QTGAL: variants seen among roughly 807,000 people sequenced by gnomAD.
QTGAL encodes BGnT-like protein 1.
At chr17:82,967,135 C>G in the QTGAL span, among the ~76,000 whole-genome samples, 5 of 152,176 alleles carry the variant, frequency 3.3e-5, no homozygotes, top group African/African-American at 1.2e-4. Flanking sequence ...AACTTTGCAT[C>G]TGCAAAGACC....
chr17:83,008,346 C>T, the QTGAL span, among the ~76,000 whole-genome samples: 381 of 152,326 alleles, frequency 2.5e-3, 3 homozygotes, highest in African/African-American at 9.0e-3. Context: ...AAGCGCAGGC[C>T]GCTGGAGTTG....
chr17:83,019,755 T>C, the QTGAL span, among the ~76,000 whole-genome samples: 98,624 of 152,044 alleles, frequency 0.65, 32,203 homozygotes, highest in South Asian at 0.7. Flanking sequence ...TTTTTTGAGT[T>C]GGAGTTTTGC....
At chr17:83,035,805 G>A in the QTGAL span, among the ~76,000 whole-genome samples, 1 of 152,184 alleles carries the variant, frequency 6.6e-6, no homozygotes, top group Non-Finnish European at 1.5e-5. Context: ...GAGGGAAGTT[G>A]GGGGCTGGCA....
At chr17:82,965,587 C>A in the QTGAL span, 9 of 1,440,412 alleles carry the variant, frequency 6.2e-6, no homozygotes, top group South Asian at 1.1e-4. Flanking sequence ...GTGTGCAGAG[C>A]CCACACACAG....
the QTGAL span, among the ~76,000 whole-genome samples, chr17:82,996,675 A>G: frequency 6.6e-6 from 1 of 152,228 alleles, no homozygotes; most frequent in African/African-American, 2.4e-5. Flanking sequence ...TCAAAACAGC[A>G]TGGTACTTGC....
At chr17:83,010,831 G>T in the QTGAL span, among the ~76,000 whole-genome samples, 1 of 152,152 alleles carries the variant, frequency 6.6e-6, no homozygotes, top group African/African-American at 2.4e-5. Flanking sequence ...CCATTCCCCC[G>T]ACAGGCAAGC....
chr17:82,962,381 G>C, the QTGAL span, among the ~76,000 whole-genome samples: 2 of 152,238 alleles, frequency 1.3e-5, no homozygotes, highest in Non-Finnish European at 2.9e-5. Context: ...TGTCAGCCCT[G>C]CTAAAAGTTT....
chr17:82,950,593 C>G, the QTGAL span, among the ~76,000 whole-genome samples: 1 of 152,194 alleles, frequency 6.6e-6, no homozygotes. Context: ...CATTACTTTG[C>G]TCAGATCCAT....
At chr17:82,945,564 C>T in the QTGAL span, 1 of 152,182 alleles carries the variant, frequency 6.6e-6, no homozygotes, top group East Asian at 1.9e-4. Context: ...CACAGCATAA[C>T]ATTAAAGAAG....
At chr17:83,022,024 C>T in the QTGAL span, among the ~76,000 whole-genome samples, 1 of 152,140 alleles carries the variant, frequency 6.6e-6, no homozygotes, top group East Asian at 1.9e-4. Flanking sequence ...CCCCCATATA[C>T]ACCATCTTCA....
chr17:83,006,102 G>A, the QTGAL span: 1 of 992,140 alleles, frequency 1.0e-6, no homozygotes, highest in South Asian at 4.6e-5. This position sits in a 1 kb window ranked among gnomAD's most constrained non-coding sequence, Gnocchi z 5.8. Flanking sequence ...TCACAGCACA[G>A]GCCCCAGGTC....
chr17:83,015,943 A>G, the QTGAL span, among the ~76,000 whole-genome samples: 1 of 152,248 alleles, frequency 6.6e-6, no homozygotes, highest in Non-Finnish European at 1.5e-5. This position sits in a 1 kb window ranked among gnomAD's most constrained non-coding sequence, Gnocchi z 4.4. Flanking sequence ...GACCACGGAT[A>G]TAAACCATAA....
chr17:83,021,686 GA>G, the QTGAL span, among the ~76,000 whole-genome samples: 3 of 151,978 alleles, frequency 2.0e-5, no homozygotes, highest in African/African-American at 7.2e-5. Flanking sequence ...AAGAAAAAAC[GA>G]AAAAAACCAA....
chr17:83,051,175 T>TGTGCAGGGCAGGC, the QTGAL span, among the ~76,000 whole-genome samples: 5 of 109,272 alleles, frequency 4.6e-5, no homozygotes, highest in Admixed American at 3.0e-4. Flanking sequence ...GCGGGGCAGG[T>TGTGCAGGGCAGGC]GTGCAGGGCA....
chr17:82,970,676 G>GACATGACCTCC, the QTGAL span, among the ~76,000 whole-genome samples: 2 of 150,050 alleles, frequency 1.3e-5, no homozygotes, highest in African/African-American at 4.9e-5. Flanking sequence ...ACCCAGCGTG[G>GACATGACCTCC]CCGTGATGCG....
the QTGAL span, among the ~76,000 whole-genome samples, chr17:83,005,384 G>A: frequency 6.6e-6 from 1 of 152,096 alleles, no homozygotes; most frequent in Admixed American, 6.5e-5. This position sits in a 1 kb window ranked among gnomAD's most constrained non-coding sequence, Gnocchi z 5.6. Flanking sequence ...GAGGAGGAGG[G>A]ATGCCTGCTT....
chr17:82,989,887 G>C, the QTGAL span, among the ~76,000 whole-genome samples: 1 of 152,110 alleles, frequency 6.6e-6, no homozygotes, highest in South Asian at 2.1e-4. Flanking sequence ...TATACCACAG[G>C]AGTATATTAC....
the QTGAL span, among the ~76,000 whole-genome samples, chr17:82,970,261 C>T: frequency 1.3e-5 from 2 of 152,342 alleles, no homozygotes; most frequent in South Asian, 2.1e-4. Context: ...GAATACCCCA[C>T]GGGCCCCGAG....
the QTGAL span, among the ~76,000 whole-genome samples, chr17:82,974,673 G>A: frequency 1.3e-5 from 2 of 152,156 alleles, no homozygotes; most frequent in African/African-American, 2.4e-5. Context: ...CCCCACAGCG[G>A]GTGTCCCTGG....
Sources: allele counts gnomAD v4.1 joint callset (sites outside exome capture counted in the v4.1 genomes callset), GRCh38; gene constraint gnomAD v4.1.1; non-coding constraint Gnocchi (gnomAD v3.1); transcripts MANE v1.5; gene names NCBI Gene and HGNC (gene_info 2026-07-23, HGNC 2026-07-21).